DLG2: variants seen among roughly 807,000 people sequenced by gnomAD.
DLG2 encodes the protein disks large homolog 2.
DLG2 carries 45 observed loss-of-function variants against 132.5 expected under a neutral mutation model. The observed-to-expected ratio is 0.34, with a 90% CI of 0.27 to 0.44. The LOEUF (loss-of-function observed/expected upper bound fraction) is 0.44. DLG2 is among the 20% of genes least tolerant of loss of function. The pLI, the probability that DLG2 is intolerant of heterozygous loss-of-function variation, is 1.00. For synonymous variants in DLG2, 424 were observed against 419.6 expected, an observed-to-expected ratio of 1.01 and a Z score of -0.13; for missense variants, 1,045 against 1,196.9, an observed-to-expected ratio of 0.87 and a Z score of 1.87.
intron 18 of DLG2, among the ~76,000 whole-genome samples, chr11:83,649,609 T>G (rs1454630424): frequency 6.6e-6 from 1 of 152,188 alleles, no homozygotes; most frequent in African/African-American, 2.4e-5. Flanking sequence ...CTCTCATATC[T>G]AATTCCCTTA....
chr11:85,491,850 C>A (rs1702539963), intron 3 of DLG2, among the ~76,000 whole-genome samples: 1 of 151,994 alleles, frequency 6.6e-6, no homozygotes, highest in Admixed American at 6.6e-5. Flanking sequence ...ACAATGCAAT[C>A]ACTGTCAAAA....
At chr11:83,998,903 C>G (rs991495552) in intron 11 of DLG2, among the ~76,000 whole-genome samples, 1 of 152,164 alleles carries the variant, frequency 6.6e-6, no homozygotes. Context: ...AGCCAGGGCT[C>G]AGGCATGTAG....
intron 7 of DLG2, among the ~76,000 whole-genome samples, chr11:84,268,896 C>G (rs2097683828): frequency 6.6e-6 from 1 of 152,136 alleles, no homozygotes; most frequent in Non-Finnish European, 1.5e-5. Flanking sequence ...TATTAACTAT[C>G]ACTTTTTGAA....
intron 6 of DLG2, among the ~76,000 whole-genome samples, chr11:84,913,267 G>T (rs551038731): frequency 6.6e-6 from 1 of 152,212 alleles, no homozygotes; most frequent in Non-Finnish European, 1.5e-5. Context: ...GACAATGTTA[G>T]GAGACTAGCT....
intron 3 of DLG2, among the ~76,000 whole-genome samples, chr11:85,520,849 T>C (rs980288769): frequency 6.6e-6 from 1 of 152,084 alleles, no homozygotes; most frequent in Non-Finnish European, 1.5e-5. Context: ...TCTTGCCATA[T>C]ACAAAAATCA....
intron 18 of DLG2, among the ~76,000 whole-genome samples, chr11:83,696,401 G>A (rs1188956237): frequency 6.6e-6 from 1 of 152,122 alleles, no homozygotes; most frequent in Admixed American, 6.5e-5. Flanking sequence ...GGCTATATGA[G>A]AATGCACTTT....
intron 6 of DLG2, among the ~76,000 whole-genome samples, chr11:84,665,685 G>T (rs1267518100): frequency 6.6e-6 from 1 of 152,068 alleles, no homozygotes; most frequent in Non-Finnish European, 1.5e-5. Context: ...TAGTTTTGTT[G>T]TAACAGTGTT....
chr11:85,308,703 G>A (rs2080123547), intron 3 of DLG2, among the ~76,000 whole-genome samples: 2 of 152,052 alleles, frequency 1.3e-5, no homozygotes, highest in Admixed American at 6.6e-5. Flanking sequence ...TTAAACTTTT[G>A]AGAGTGTGAT....
intron 9 of DLG2, among the ~76,000 whole-genome samples, chr11:84,139,648 G>A (rs1395630719): frequency 6.6e-6 from 1 of 152,036 alleles, no homozygotes; most frequent in African/African-American, 2.4e-5. Flanking sequence ...CTGTACAGAT[G>A]AGAATACTGA....
chr11:85,226,135 C>T (rs1471984270), intron 4 of DLG2, among the ~76,000 whole-genome samples: 2 of 150,820 alleles, frequency 1.3e-5, no homozygotes, highest in Non-Finnish European at 2.9e-5. Flanking sequence ...GTTATATTAA[C>T]AATATATGTG....
intron 7 of DLG2, among the ~76,000 whole-genome samples, chr11:84,312,226 C>A (rs1209113174): frequency 6.6e-6 from 1 of 152,058 alleles, no homozygotes; most frequent in Non-Finnish European, 1.5e-5. Context: ...AATCCCAACA[C>A]TTTGGGAGGC....
chr11:85,595,315 T>C (rs557554590), intron 3 of DLG2, among the ~76,000 whole-genome samples: 1 of 152,214 alleles, frequency 6.6e-6, no homozygotes, highest in South Asian at 2.1e-4. Context: ...CACTGATTAT[T>C]ATTATTTTAT....
intron 8 of DLG2, among the ~76,000 whole-genome samples, chr11:84,239,503 G>A (rs1291596338): frequency 6.6e-6 from 1 of 152,060 alleles, no homozygotes; most frequent in Admixed American, 6.6e-5. Context: ...GATAAGTAAA[G>A]CACAATTGTA....
At chr11:84,780,259 C>T (rs539050531) in intron 6 of DLG2, among the ~76,000 whole-genome samples, 25 of 151,830 alleles carry the variant, frequency 1.6e-4, no homozygotes, top group African/African-American at 5.8e-4. Context: ...TGATACATCA[C>T]ATAAAATTAA....
At chr11:83,829,900 C>T (rs2053972402) in intron 17 of DLG2, among the ~76,000 whole-genome samples, 1 of 152,078 alleles carries the variant, frequency 6.6e-6, no homozygotes, top group Non-Finnish European at 1.5e-5. Flanking sequence ...TCCCCACTTG[C>T]CCCACCATAC....
At chr11:85,140,137 T>G (rs1012881307) in intron 5 of DLG2, among the ~76,000 whole-genome samples, 2 of 152,000 alleles carry the variant, frequency 1.3e-5, no homozygotes, top group Non-Finnish European at 2.9e-5. Context: ...GTGCAAATAT[T>G]TTTACAAGAT....
At chr11:83,795,610 T>A (rs115502898) in intron 17 of DLG2, among the ~76,000 whole-genome samples, 1,601 of 152,240 alleles carry the variant, frequency 0.011, 36 homozygotes, top group African/African-American at 0.036. Flanking sequence ...CATCTTAATG[T>A]GAAGATGAGT....
chr11:83,706,972 T>C, intron 18 of DLG2, among the ~76,000 whole-genome samples: 1 of 152,230 alleles, frequency 6.6e-6, no homozygotes, highest in Non-Finnish European at 1.5e-5. Context: ...TTAACACTTA[T>C]CATCAAGCAA....
intron 6 of DLG2, among the ~76,000 whole-genome samples, chr11:85,096,679 T>A (rs1345020708): frequency 6.7e-6 from 1 of 149,132 alleles, no homozygotes; most frequent in Non-Finnish European, 1.5e-5. Flanking sequence ...TTGGCGACCA[T>A]GAAGGGACAC....
Sources: gnomAD v4.1 joint callset for allele counts (sites outside exome capture counted in the v4.1 genomes callset) on GRCh38, gnomAD v4.1.1 for gene constraint, MANE v1.5 for transcripts, NCBI Gene and HGNC (gene_info 2026-07-23, HGNC 2026-07-21) for gene names.